The following COPS9 variants were observed in gnomAD, a reference collection of about 807,000 sequenced individuals.
The protein encoded by COPS9 is COP9 signalosome complex subunit 9.
Under a neutral mutation model 7.2 loss-of-function variants are expected in COPS9, and 8 were observed. The observed-to-expected ratio is 1.11, with a 90% CI of 0.65 to 2.00. The LOEUF is 2.00. COPS9 is among the 30% of genes most tolerant of loss of function. The pLI is 0.00. For missense variants in COPS9, 74 were observed against 77.7 expected, an observed-to-expected ratio of 0.95 and a Z score of 0.18; for synonymous variants, 39 against 28.7, an observed-to-expected ratio of 1.36 and a Z score of -1.14.
At chr2:240,127,201 C>T (rs755240706), downstream of COPS9, among the ~76,000 whole-genome samples, 10 of 152,120 alleles carry the variant, frequency 6.6e-5, no homozygotes, top group Non-Finnish European at 1.0e-4. Flanking sequence ...AGAGCATTTC[C>T]GAGCATTTCC....
intron 1 of COPS9, chr2:240,135,825 TC>T (rs2071971648): frequency 5.4e-6 from 1 of 183,654 alleles, no homozygotes; most frequent in African/African-American, 2.6e-5. Context: ...TTCCCCCAAA[TC>T]CCCTAACACG....
chr2:240,127,012 C>A, downstream of COPS9: 6 of 1,553,218 alleles, frequency 3.9e-6, no homozygotes, highest in Non-Finnish European at 5.2e-6. Context: ...TTCCGAGTGA[C>A]CTGGGACAAG....
At position 240,130,886 on chromosome 2, in the gene COPS9, C is replaced by G. The variant is rs768045888; in HGVS notation, c.*165G>C. On this transcript the variant is annotated 3_prime_UTR_variant, in exon 3 of 3. Coordinates refer to ENST00000607357, the MANE Select transcript of COPS9 (RefSeq NM_001163424.2). ...AAACCTGATCCCGTTCAGAGATGAA[C>G]AGAATCATCTAGGTCGTTAAGAACA... 14 of 1,437,858 alleles carry G rather than the reference C, an allele frequency of 9.7e-6. No individual in the cohort carries two copies. The South Asian group carries it at 2.2e-4, about 22-fold the overall frequency. 89.1% of individuals were successfully genotyped at this position (1,437,858 alleles called of 1,614,324 possible).
intron 1 of COPS9, chr2:240,135,945 G>C (rs1401104330): frequency 2.1e-6 from 1 of 487,522 alleles, no homozygotes; most frequent in Admixed American, 4.5e-5. Flanking sequence ...TGTGTTCCCG[G>C]GGGCCGTGGG....
At chr2:240,127,461 C>T (rs1574944890), downstream of COPS9, among the ~76,000 whole-genome samples, 1 of 152,262 alleles carries the variant, frequency 6.6e-6, no homozygotes. Flanking sequence ...CTGCCCACAT[C>T]GGGCCATGTC....
chr2:240,126,800 C>A (rs753825007), downstream of COPS9: 4 of 1,614,110 alleles, frequency 2.5e-6, no homozygotes, highest in South Asian at 4.4e-5. Context: ...CCATTTTCCC[C>A]TCACTTGTTG....
At chr2:240,133,797 A>G in intron 2 of COPS9, 136 bp downstream of exon 2, 3 of 795,998 alleles carry the variant, frequency 3.8e-6, no homozygotes, top group South Asian at 3.3e-5. Context: ...CAGAGGCTGC[A>G]CTGCATTCTG....
chr2:240,136,054 G>T, intron 1 of COPS9, 168 bp downstream of exon 1: 4 of 1,124,194 alleles, frequency 3.6e-6, no homozygotes, highest in Non-Finnish European at 4.7e-6. Flanking sequence ...TTCACCAGGT[G>T]CTCGGAGAAA....
At chr2:240,128,595 C>A (rs993810034), downstream of COPS9, among the ~76,000 whole-genome samples, 1 of 152,094 alleles carries the variant, frequency 6.6e-6, no homozygotes, top group Non-Finnish European at 1.5e-5. Context: ...TGGCAGGGAT[C>A]GGTATAGAGG....
At chr2:240,129,063 T>C (rs114090170), downstream of COPS9, among the ~76,000 whole-genome samples, 20 of 152,198 alleles carry the variant, frequency 1.3e-4, no homozygotes, top group Admixed American at 1.2e-3. Context: ...TCTGCCTGAG[T>C]TCCTCTGCGG....
chr2:240,126,738 C>T, downstream of COPS9: 1 of 1,614,232 alleles, frequency 6.2e-7, no homozygotes, highest in Non-Finnish European at 8.5e-7. Context: ...TAGATAACTT[C>T]CCAGCCACTT....
chr2:240,134,918 C>T (rs75444039), intron 1 of COPS9, among the ~76,000 whole-genome samples: 2,354 of 152,236 alleles, frequency 0.015, 43 homozygotes, highest in East Asian at 0.09. Context: ...GTAAATGCTG[C>T]CACCCTACAG....
chr2:240,127,515 G>C (rs2071878763), downstream of COPS9, among the ~76,000 whole-genome samples: 1 of 152,156 alleles, frequency 6.6e-6, no homozygotes, highest in Admixed American at 6.5e-5. Flanking sequence ...AGAAATTTGT[G>C]TCCCCTCAAA....
chr2:240,127,031 T>C, downstream of COPS9: 1 of 1,474,460 alleles, frequency 6.8e-7, no homozygotes, highest in Non-Finnish European at 9.2e-7. Flanking sequence ...AGTCATTCTG[T>C]CCAGTGAGAA....
downstream of COPS9, among the ~76,000 whole-genome samples, chr2:240,127,712 C>T (rs1049520450): frequency 1.3e-5 from 2 of 152,174 alleles, no homozygotes; most frequent in Non-Finnish European, 2.9e-5. Context: ...AGGCTCAGTG[C>T]CCTTGGGGTG....
chr2:240,127,181 G>A (rs749689155), downstream of COPS9, among the ~76,000 whole-genome samples: 9 of 152,176 alleles, frequency 5.9e-5, no homozygotes, highest in Non-Finnish European at 1.3e-4. Flanking sequence ...CTACTGTGCA[G>A]GGCACTGCCA....
chr2:240,131,158 A>C (rs1226175500), intron 2 of COPS9, 70 bp from the exon 3 acceptor site: 3 of 1,501,712 alleles, frequency 2.0e-6, no homozygotes, highest in Admixed American at 1.9e-5. Flanking sequence ...CTTCAGAATG[A>C]ATTATATAGT....
At chr2:240,131,930 G>A (rs1019021375) in intron 2 of COPS9, among the ~76,000 whole-genome samples, 2 of 152,224 alleles carry the variant, frequency 1.3e-5, no homozygotes, top group Non-Finnish European at 2.9e-5. Context: ...TTCCTGGGGA[G>A]GGTGGCGTCC....
chr2:240,134,310 C>G (rs553022057), intron 1 of COPS9: 1 of 286,630 alleles, frequency 3.5e-6, no homozygotes, highest in East Asian at 7.1e-5. Flanking sequence ...GAGAGCTTTC[C>G]GATCCCTCGC....
Sources: gnomAD v4.1 joint callset for allele counts (sites outside exome capture counted in the v4.1 genomes callset) on GRCh38, gnomAD v4.1.1 for gene constraint, MANE v1.5 for transcripts, NCBI Gene and HGNC (gene_info 2026-07-23, HGNC 2026-07-21) for gene names.